Variants in BICD1 observed in about 807,000 individuals in gnomAD.
BICD1 encodes protein bicaudal D homolog 1.
Under a neutral mutation model 92.5 loss-of-function variants are expected in BICD1, and 35 were observed. That is an observed-to-expected ratio of 0.38 (90% CI 0.29 to 0.50). The LOEUF (loss-of-function observed/expected upper bound fraction) is 0.50. BICD1 is among the 20% of genes least tolerant of loss of function. The pLI is 0.93. For synonymous variants in BICD1, 429 were observed against 465.1 expected (o/e 0.92, Z 1.00); for missense variants, 950 against 1,189.8 (o/e 0.80, Z 2.97).
intron 1 of BICD1, among the ~76,000 whole-genome samples, chr12:32,148,141 C>CAAAAAAAAA (rs1565547430): frequency 1.3e-4 from 1 of 7,480 alleles, no homozygotes; most frequent in African/African-American, 4.9e-4. Context: ...GACTCCGTCT[C>CAAAAAAAAA]CAAAAAAAAA....
At position 32,114,225 on chromosome 12, in the gene BICD1, C is replaced by A. The variant is rs145351742; in HGVS notation, c.213+6681C>A. Among the ~76,000 whole-genome samples, 686 of 152,184 alleles carry A rather than the reference C, an allele frequency of 4.5e-3. 5 individuals carry two copies. The highest frequency in any genetic ancestry group is 0.016 in the African/African-American group (644 of 41,530). On this transcript the variant is annotated intron_variant, in intron 1 of 9. Transcript: ENST00000652176. ...TTTCAAACATGTTGCCCAGGCTGGT[C>A]TGAAATTCCTGAGCTCGAGCGATCT...
intron 1 of BICD1, among the ~76,000 whole-genome samples, chr12:32,212,217 T>G (rs1302187520): frequency 6.6e-6 from 1 of 152,204 alleles, no homozygotes; most frequent in Non-Finnish European, 1.5e-5. Flanking sequence ...TTTTTTGTTT[T>G]TGTTTTTGTT....
chr12:32,266,793 G>A (rs1947008422), intron 2 of BICD1, among the ~76,000 whole-genome samples: 1 of 151,672 alleles, frequency 6.6e-6, no homozygotes, highest in Admixed American at 6.6e-5. Context: ...AGGAGATGGA[G>A]GTTGCAGTGA....
Position 32,368,582 on chromosome 12 carries a change from CT to C in BICD1, c.2840+838del, listed in dbSNP as rs1939616360. Among the ~76,000 whole-genome samples the C allele has an allele frequency of 2.0e-5, 3 of 152,124 alleles. No homozygotes were observed. In the South Asian group the frequency reaches 6.2e-4, roughly 32 times the overall value. On this transcript the variant is annotated intron_variant, in intron 9 of 9. Coordinates refer to ENST00000652176, the MANE Select transcript of BICD1 (RefSeq NM_001714.4). ...TGGTGGCACATGCCTCTAATCCCAC[CT>C]ACTCAGGAGGCTGAGGCAGGAGAAT... is the stretch of plus-strand genomic sequence containing the variant.
chr12:32,176,799 T>A (rs528564141), intron 1 of BICD1, among the ~76,000 whole-genome samples: 1 of 152,314 alleles, frequency 6.6e-6, no homozygotes, highest in South Asian at 2.1e-4. Context: ...CCCACATTTT[T>A]GTTTATCCAG....
intron 8 of BICD1, chr12:32,339,972 G>T: frequency 1.2e-6 from 1 of 826,820 alleles, no homozygotes; most frequent in Non-Finnish European, 1.5e-6. Flanking sequence ...GTTAGGGCAA[G>T]CTTCGCACTT....
intron 1 of BICD1, among the ~76,000 whole-genome samples, chr12:32,156,164 C>G (rs1411460511): frequency 6.6e-6 from 1 of 152,248 alleles, no homozygotes; most frequent in Non-Finnish European, 1.5e-5. Context: ...AAAGAGACAA[C>G]AGCAGAATCA....
chr12:32,245,592 A>C (rs1946358858), intron 2 of BICD1, among the ~76,000 whole-genome samples: 1 of 152,212 alleles, frequency 6.6e-6, no homozygotes, highest in Admixed American at 6.5e-5. Flanking sequence ...TGGCCCTGAC[A>C]AGTTACGTGC....
chr12:32,131,151 A>G (rs755573843), intron 1 of BICD1, among the ~76,000 whole-genome samples: 61 of 152,184 alleles, frequency 4.0e-4, no homozygotes, highest in Non-Finnish European at 8.4e-4. Context: ...TGACATTTAA[A>G]TAAAATCATA....
At chr12:32,253,115 TC>T (rs1946611357) in intron 2 of BICD1, among the ~76,000 whole-genome samples, 1 of 152,152 alleles carries the variant, frequency 6.6e-6, no homozygotes, top group African/African-American at 2.4e-5. Flanking sequence ...ACTCCTGGGC[TC>T]AAGCAGTCGG....
chr12:32,345,041 C>T (rs2086746604), intron 8 of BICD1, among the ~76,000 whole-genome samples: 1 of 152,152 alleles, frequency 6.6e-6, no homozygotes, highest in Admixed American at 6.5e-5. Context: ...CACCCCAGCA[C>T]TTCGGGAGGC....
intron 1 of BICD1, among the ~76,000 whole-genome samples, chr12:32,120,550 A>G (rs1230752822): frequency 6.6e-6 from 1 of 152,166 alleles, no homozygotes; most frequent in African/African-American, 2.4e-5. Context: ...TTGAAACTGA[A>G]AGAGGTTTAT....
At chr12:32,302,923 A>C (rs1948099611) in intron 3 of BICD1, among the ~76,000 whole-genome samples, 1 of 128,572 alleles carries the variant, frequency 7.8e-6, no homozygotes, top group African/African-American at 3.0e-5. Context: ...TTTGTACATA[A>C]TGTATTTCTT....
chr12:32,294,620 T>TAAAA (rs60052535), intron 3 of BICD1, among the ~76,000 whole-genome samples: 4 of 65,628 alleles, frequency 6.1e-5, no homozygotes, highest in Non-Finnish European at 8.7e-5. Flanking sequence ...GACTCCGTCT[T>TAAAA]AAAAAAAAAA....
Position 32,327,600 on chromosome 12 carries a change from A to G in BICD1, c.1145A>G (p.Gln382Arg), listed in dbSNP as rs771134310. The G allele has an allele frequency of 6.2e-7, 1 of 1,614,152 alleles. No homozygotes were observed. Among genetic ancestry groups the G allele is most frequent in the East Asian group, 2.2e-5 (1 of 44,870 alleles). ...TEHVNAMRGL[Q>R]SSKELKAELD... ...CACGTCAATGCCATGAGGGGCCTGC[A>G]AAGCAGCAAGGAGCTCAAGGCTGAG... Residue 382 changes from glutamine (Q) to arginine (R), a missense_variant, in exon 5 of 10, where the codon CAA (glutamine) becomes CGA (arginine). This residue lies in a region of BICD1 where 246 missense variants were observed against 258.4 expected (regional missense o/e 0.95). Transcript: ENST00000652176.
chr12:32,307,490 T>C (rs1948261757), intron 4 of BICD1, among the ~76,000 whole-genome samples: 1 of 132,194 alleles, frequency 7.6e-6, no homozygotes, highest in Non-Finnish European at 1.7e-5. Context: ...GTAGATCTAC[T>C]GAACTAGAAA....
chr12:32,168,762 G>A (rs959274443), intron 1 of BICD1, among the ~76,000 whole-genome samples: 1 of 152,152 alleles, frequency 6.6e-6, no homozygotes, highest in African/African-American at 2.4e-5. Flanking sequence ...CTGACGTCAG[G>A]AGTTTGAGTC....
chr12:32,220,525 A>C (rs1438318531), intron 2 of BICD1, among the ~76,000 whole-genome samples: 13 of 151,634 alleles, frequency 8.6e-5, no homozygotes, highest in African/African-American at 2.9e-4. Context: ...AGAGAAATGC[A>C]AATCAAAACC....
chr12:32,354,106 C>T (rs1236741316), intron 8 of BICD1: 2 of 152,092 alleles, frequency 1.3e-5, no homozygotes, highest in Non-Finnish European at 2.9e-5. Context: ...TTATATTTCT[C>T]TTTTGCAAGA....
Sources: gnomAD v4.1 joint callset for allele counts (sites outside exome capture counted in the v4.1 genomes callset) on GRCh38, gnomAD v4.1.1 for gene constraint, gnomAD v4.1.1 regional missense constraint, MANE v1.5 for transcripts, NCBI Gene and HGNC (gene_info 2026-07-23, HGNC 2026-07-21) for gene names.